The following TCTN3 variants were observed in gnomAD, a reference collection of about 807,000 sequenced individuals.
TCTN3 encodes tectonic family member 3, also known as tectonic-3.
Under a neutral mutation model 71.3 loss-of-function variants are expected in TCTN3, and 57 were observed. The observed-to-expected ratio is 0.80, with a 90% confidence interval of 0.65 to 1.00. The LOEUF (loss-of-function observed/expected upper bound fraction) is 1.00, where lower values mean the gene tolerates loss of function less well. Among genes scored for constraint, TCTN3 ranks in the 50% least tolerant of loss-of-function variants. The pLI, the probability that TCTN3 is intolerant of heterozygous loss-of-function variation, is 0.00. For missense variants in TCTN3, 696 were observed against 719.9 expected (o/e 0.97, Z 0.38); for synonymous variants, 258 against 267.8 (o/e 0.96, Z 0.36).
At chr10:95,677,559 A>G (rs2097938771) in intron 13 of TCTN3, among the ~76,000 whole-genome samples, 1 of 137,524 alleles carries the variant, frequency 7.3e-6, no homozygotes, top group South Asian at 2.3e-4. Context: ...AAATTTTGCT[A>G]CTTCACTTTT....
In TCTN3 at chr10:95,686,604, C is replaced by G. The variant is rs571647979; in HGVS notation, c.853-74G>C. 14 of 1,473,984 alleles carry G rather than the reference C, an allele frequency of 9.5e-6. No individual in the cohort carries two copies. The Admixed American group carries it at 2.2e-4, about 23-fold the overall frequency. 91.3% of individuals were successfully genotyped at this position (1,473,984 alleles called of 1,614,324 possible). A position where few individuals can be genotyped will look rare whatever the true frequency, so the allele number is the denominator to read the frequency against. On this transcript the variant is annotated intron_variant, in intron 6 of 13. Transcript: ENST00000371217. ...ACCAGGAGCTTGTGGTTTCATATTA[C>G]TACCAATAGGCTTTGGTTTGGCGGG...
intron 13 of TCTN3, among the ~76,000 whole-genome samples, chr10:95,669,449 C>T (rs1404379814): frequency 6.6e-6 from 1 of 152,202 alleles, no homozygotes; most frequent in African/African-American, 2.4e-5. Context: ...CCAAGTCTTA[C>T]CTGTGGCATC....
At chr10:95,689,702 T>G (rs1589620318) in intron 3 of TCTN3, among the ~76,000 whole-genome samples, 1 of 152,330 alleles carries the variant, frequency 6.6e-6, no homozygotes, top group African/African-American at 2.4e-5. Flanking sequence ...TGCCTAAAAT[T>G]TCTACCATCA....
At chr10:95,682,971 T>A in intron 11 of TCTN3, 130 bp downstream of exon 11, 1 of 1,222,006 alleles carries the variant, frequency 8.2e-7, no homozygotes. Context: ...ATATCAACAC[T>A]ATTTAGACTA....
At chr10:95,676,390 G>A (rs1385408556) in intron 13 of TCTN3, among the ~76,000 whole-genome samples, 1 of 151,668 alleles carries the variant, frequency 6.6e-6, no homozygotes, top group Non-Finnish European at 1.5e-5. Flanking sequence ...TTTTAGTAGA[G>A]ACAGGGTTTC....
chr10:95,678,751 A>C (rs1390002493), intron 13 of TCTN3, among the ~76,000 whole-genome samples: 2 of 152,134 alleles, frequency 1.3e-5, no homozygotes, highest in Admixed American at 6.6e-5. Flanking sequence ...TTTATGATAT[A>C]AGTTTCATAT....
chr10:95,674,326 A>T (rs188713239), intron 13 of TCTN3, among the ~76,000 whole-genome samples: 1 of 152,278 alleles, frequency 6.6e-6, no homozygotes. Flanking sequence ...TTTAAATAAC[A>T]TCTAGTTATT....
At chr10:95,664,430 T>C (rs1355438295) in intron 13 of TCTN3, 130 bp from the exon 14 acceptor site, 1 of 753,212 alleles carries the variant, frequency 1.3e-6, no homozygotes, top group Non-Finnish European at 2.2e-6. Context: ...CTTTATCTCA[T>C]ATTGGTCCTA....
At chr10:95,665,621 G>A (rs2139694697) in intron 13 of TCTN3, among the ~76,000 whole-genome samples, 1 of 152,124 alleles carries the variant, frequency 6.6e-6, no homozygotes, top group Middle Eastern at 3.4e-3. Context: ...AGAGGCAGTT[G>A]TTAGTGTTGT....
At chr10:95,681,019 G>C (rs2097942492) in intron 12 of TCTN3, among the ~76,000 whole-genome samples, 1 of 150,650 alleles carries the variant, frequency 6.6e-6, no homozygotes, top group South Asian at 2.1e-4. Context: ...CTTGTGATTT[G>C]CCTGCCTTGG....
At chr10:95,684,725 G>A in intron 8 of TCTN3, 101 bp from the exon 9 acceptor site, 1 of 1,279,410 alleles carries the variant, frequency 7.8e-7, no homozygotes, top group Non-Finnish European at 1.1e-6. Context: ...ATAACTAAAT[G>A]AGGCAGACTG....
At chr10:95,670,732 G>A (rs547638899) in intron 13 of TCTN3, among the ~76,000 whole-genome samples, 3 of 152,130 alleles carry the variant, frequency 2.0e-5, no homozygotes, top group South Asian at 2.1e-4. Context: ...GTACAAACAC[G>A]GCTCACTGCA....
At position 95,683,388 on chromosome 10, in the gene TCTN3, ATATATTAG is replaced by A. The variant is rs765540079; in HGVS notation, c.1203+126_1203+133del. 4 of 1,535,024 alleles carry A rather than the reference ATATATTAG, an allele frequency of 2.6e-6. No individual in the cohort carries two copies. The South Asian group carries it at 3.7e-5, about 14-fold the overall frequency. The stretch of plus-strand genomic sequence containing the variant: ...AACTAGATTCCAAAAATGATTAACC[ATATATTAG>A]TATATAAGTACCTCATTATAATGAA... On this transcript the variant is annotated intron_variant, in intron 10 of 13. Transcript: ENST00000371217.
intron 13 of TCTN3, among the ~76,000 whole-genome samples, chr10:95,668,584 T>C (rs914295045): frequency 1.8e-4 from 28 of 152,262 alleles, no homozygotes; most frequent in Admixed American, 1.4e-3. Context: ...ATGATGATGA[T>C]TGAATAAAGA....
chr10:95,683,333 ATT>A lies in TCTN3; in HGVS notation c.1204-140_1204-139del, dbSNP rs754562025. On this transcript the variant is annotated intron_variant, in intron 10 of 13. Transcript: ENST00000371217. ...ATAATGTTCGAGTCACAAATTTGTG[ATT>A]TTTTTCCTCAGAAAACCACAGAGAG... 4.0e-6 allele frequency: 6 copies of A among 1,497,162 alleles called. No individual in the cohort carries two copies. The Admixed American group carries it at 1.5e-4, about 37-fold the overall frequency. 92.7% of individuals were successfully genotyped at this position (1,497,162 alleles called of 1,614,324 possible).
At chr10:95,680,377 C>CAAA in intron 13 of TCTN3, 95 bp downstream of exon 13, 3 of 1,442,360 alleles carry the variant, frequency 2.1e-6, no homozygotes, top group Middle Eastern at 2.1e-4. Flanking sequence ...CATAAATTAG[C>CAAA]TCTTGGAAGG....
At chr10:95,688,835 G>A (rs1353526150) in intron 3 of TCTN3, among the ~76,000 whole-genome samples, 2 of 152,196 alleles carry the variant, frequency 1.3e-5, no homozygotes, top group Non-Finnish European at 2.9e-5. Context: ...GGGCTGTGAT[G>A]CTGTCCCCTG....
intron 13 of TCTN3, among the ~76,000 whole-genome samples, chr10:95,664,550 C>A (rs1234022520): frequency 1.3e-5 from 2 of 152,204 alleles, no homozygotes; most frequent in Non-Finnish European, 2.9e-5. Context: ...CTTCCCCTAG[C>A]TGGGGAGCTG....
At position 95,693,798 on chromosome 10, in the gene TCTN3, C is replaced by T; in HGVS notation, c.102G>A (p.Thr34=). 6.4e-7 allele frequency: 1 copy of T among 1,551,688 alleles called. No individual in the cohort carries two copies. The highest frequency in any genetic ancestry group is 8.7e-7 in the Non-Finnish European group (1 of 1,146,992). The change falls in exon 1 of 14, where the codon ACG becomes ACA. Residue 34 remains threonine (T), a synonymous_variant. Transcript: ENST00000371217. ...CCGTCCCTCGCTGCAGCTCCAAAGA[C>T]GTGGGCACTGCCCCTGATGGGGAGG... ...PSSSPSGAVP[T]SLELQRGTDG...
Sources: gnomAD v4.1 joint callset for allele counts (sites outside exome capture counted in the v4.1 genomes callset) on GRCh38, gnomAD v4.1.1 for gene constraint, MANE v1.5 for transcripts, NCBI Gene and HGNC (gene_info 2026-07-23, HGNC 2026-07-21) for gene names.